The following HDX variants were observed in gnomAD, a reference collection of about 807,000 sequenced individuals.
HDX encodes the protein chromosome X open reading frame 43.
Under a neutral mutation model 45.2 loss-of-function variants are expected in HDX, and 19 were observed. The observed-to-expected ratio is 0.42, with a 90% CI of 0.29 to 0.62. The LOEUF is 0.62. Ranked by LOEUF, HDX falls within the 20% of genes least tolerant of loss-of-function variation. HDX has a pLI of 0.20. For synonymous variants in HDX, 188 were observed against 172.8 expected (o/e 1.09, Z -0.69); for missense variants, 532 against 493.9 (o/e 1.08, Z -0.73).
chrX:84,467,345 A>G (rs2040371010), intron 4 of HDX, among the ~76,000 whole-genome samples: 1 of 111,420 alleles, frequency 9.0e-6, no homozygotes, highest in Non-Finnish European at 1.9e-5. Flanking sequence ...AGAAAGTGCT[A>G]GGCTGGGCCA....
intron 5 of HDX, among the ~76,000 whole-genome samples, chrX:84,391,100 T>C (rs980865597): frequency 1.3e-4 from 14 of 111,818 alleles, no homozygotes; most frequent in Admixed American, 1.1e-3. Context: ...TAAACCTTTT[T>C]TAATCACCCC....
chrX:84,440,597 A>G lies in HDX; in HGVS notation c.1252-12T>C. 1 of 1,126,057 alleles carries G rather than the reference A, an allele frequency of 8.9e-7. No individual in the cohort carries two copies. The highest frequency in any genetic ancestry group is 1.2e-6 in the Non-Finnish European group (1 of 821,164). 92.8% of individuals were successfully genotyped at this position (1,126,057 alleles called of 1,213,427 possible). On this transcript the variant is annotated splice_polypyrimidine_tract_variant and intron_variant, in intron 4 of 10. Coordinates refer to ENST00000373177, the MANE Select transcript of HDX (RefSeq NM_001177479.2). ...AGGTTTCCTGAAATCTGTGAAAACA[A>G]TAAATGGAATCTCAGTAAGCTATTT...
intron 5 of HDX, among the ~76,000 whole-genome samples, chrX:84,400,057 A>G (rs1223580096): frequency 1.8e-5 from 2 of 111,208 alleles, no homozygotes; most frequent in Admixed American, 9.6e-5. Flanking sequence ...TTGATGGAAT[A>G]TATCTCAAAA....
intron 9 of HDX, among the ~76,000 whole-genome samples, chrX:84,332,580 G>A (rs6622999): frequency 0.066 from 7,284 of 110,585 alleles, 353 homozygotes; most frequent in East Asian, 0.34. Context: ...AGTGCTAAGA[G>A]GAGCACTCTT....
At chrX:84,438,411 A>T (rs1457736321) in intron 5 of HDX, among the ~76,000 whole-genome samples, 1 of 110,483 alleles carries the variant, frequency 9.1e-6, no homozygotes, top group East Asian at 2.8e-4. Flanking sequence ...TCTAATTTCA[A>T]CTCTTATTAT....
intron 1 of HDX, among the ~76,000 whole-genome samples, chrX:84,500,973 G>A (rs1271218297): frequency 9.0e-6 from 1 of 110,532 alleles, no homozygotes; most frequent in Non-Finnish European, 1.9e-5. Flanking sequence ...AGCTCCTACA[G>A]TGACTACATG....
intron 5 of HDX, among the ~76,000 whole-genome samples, chrX:84,380,876 A>G (rs1253653580): frequency 9.0e-6 from 1 of 111,170 alleles, no homozygotes; most frequent in Admixed American, 9.6e-5. Flanking sequence ...AAGAGCAATG[A>G]GAAAAGAGAA....
intron 4 of HDX, among the ~76,000 whole-genome samples, chrX:84,467,222 C>G (rs751151363): frequency 1.8e-5 from 2 of 111,352 alleles, no homozygotes; most frequent in African/African-American, 6.5e-5. Flanking sequence ...CATTTTCAAG[C>G]AGGGAGCTGT....
At chrX:84,326,337 T>C in intron 9 of HDX, 37 bp from the exon 10 acceptor site, 1 of 1,083,760 alleles carries the variant, frequency 9.2e-7, no homozygotes, top group Non-Finnish European at 1.3e-6. Flanking sequence ...AATTACCTTA[T>C]GTAAACCCAG....
At position 84,468,735 on chromosome X, in the gene HDX, C is replaced by A; in HGVS notation, c.988G>T (p.Gly330Cys). The A allele has an allele frequency of 8.3e-7, 1 of 1,211,740 alleles. No homozygotes were observed. The highest frequency in any genetic ancestry group is 1.1e-6 in the Non-Finnish European group (1 of 895,499). ...TGGTTCTCAGCTCGAAGGGAACTGC[C>A]ACTTTCATAAAATCTCGAATAGCTT... ...IPSYSRFYESGSSLRAENQST... is the reference protein window; with the variant it reads ...IPSYSRFYESCSSLRAENQST... The change falls in exon 4 of 11, where the codon GGC becomes TGC. Residue 330 changes from glycine (G) to cysteine (C), a missense_variant. This residue lies in a region of HDX where 376 missense variants were observed against 343.7 expected (regional missense o/e 1.09). Coordinates refer to ENST00000373177, the MANE Select transcript of HDX (RefSeq NM_001177479.2).
chrX:84,477,720 C>A (rs1374540217), intron 2 of HDX, among the ~76,000 whole-genome samples: 1 of 111,895 alleles, frequency 8.9e-6, no homozygotes, highest in African/African-American at 3.2e-5. Flanking sequence ...GTTTCTTAAT[C>A]ATTTGCAACA....
At chrX:84,460,487 A>G (rs764024708) in intron 4 of HDX, among the ~76,000 whole-genome samples, 1 of 111,914 alleles carries the variant, frequency 8.9e-6, no homozygotes, top group African/African-American at 3.2e-5. Flanking sequence ...ATAAAACTCA[A>G]TATCGCTTCA....
intron 5 of HDX, among the ~76,000 whole-genome samples, chrX:84,416,083 C>G (rs1486684735): frequency 9.0e-6 from 1 of 111,619 alleles, no homozygotes; most frequent in African/African-American, 3.3e-5. Flanking sequence ...ATAATTTTGT[C>G]TAGGCTCAGA....
At chrX:84,403,526 G>C (rs1001422118) in intron 5 of HDX, among the ~76,000 whole-genome samples, 1 of 111,621 alleles carries the variant, frequency 9.0e-6, no homozygotes, top group African/African-American at 3.3e-5. Flanking sequence ...TCTGTGGACT[G>C]ATTTAGTGCT....
intron 9 of HDX, among the ~76,000 whole-genome samples, chrX:84,332,004 GT>G (rs1270756054): frequency 9.0e-6 from 1 of 111,142 alleles, no homozygotes; most frequent in African/African-American, 3.3e-5. Context: ...CAACAATGTG[GT>G]TTTCATCCCC....
At chrX:84,332,620 G>A (rs140546829) in intron 9 of HDX, among the ~76,000 whole-genome samples, 57 of 111,127 alleles carry the variant, frequency 5.1e-4, no homozygotes, top group African/African-American at 1.8e-3. Flanking sequence ...CCTTTCGTCT[G>A]TAGTTTCCAC....
chrX:84,484,963 A>T (rs186795396), intron 2 of HDX, among the ~76,000 whole-genome samples: 81 of 90,896 alleles, frequency 8.9e-4, no homozygotes, highest in African/African-American at 2.9e-3. Context: ...ACATTCTAAA[A>T]ATTTTGATAA....
intron 4 of HDX, among the ~76,000 whole-genome samples, chrX:84,455,961 G>A (rs2040103931): frequency 8.9e-6 from 1 of 112,118 alleles, no homozygotes; most frequent in Non-Finnish European, 1.9e-5. Flanking sequence ...TCCTAGAATA[G>A]TGTATCCAGC....
intron 5 of HDX, among the ~76,000 whole-genome samples, chrX:84,377,920 T>C (rs1185532992): frequency 9.0e-6 from 1 of 110,935 alleles, no homozygotes; most frequent in Non-Finnish European, 1.9e-5. Context: ...AATCATCAAC[T>C]AGATATAACC....
Sources: allele counts gnomAD v4.1 joint callset (sites outside exome capture counted in the v4.1 genomes callset), GRCh38; gene constraint gnomAD v4.1.1; regional missense constraint gnomAD v4.1.1; transcripts MANE v1.5; gene names NCBI Gene and HGNC (gene_info 2026-07-23, HGNC 2026-07-21).